Variants in LRP1B observed in about 807,000 individuals in gnomAD.
LRP1B encodes the protein LDL receptor related protein 1B.
Under a neutral mutation model 556.6 loss-of-function variants are expected in LRP1B, and 217 were observed. That is an observed-to-expected ratio of 0.39 (90% CI 0.35 to 0.44). The LOEUF (loss-of-function observed/expected upper bound fraction) is 0.44, where lower values mean the gene tolerates loss of function less well. LRP1B is among the 20% of genes least tolerant of loss of function. The pLI is 1.00. For missense variants in LRP1B, 5,053 were observed against 5,620.8 expected, an observed-to-expected ratio of 0.90 and a Z score of 3.23; for synonymous variants, 2,047 against 1,865.8, an observed-to-expected ratio of 1.10 and a Z score of -2.50.
chr2:141,074,589 C>CTCTCTA lies in LRP1B; in HGVS notation c.1014-12317_1014-12316insTAGAGA, dbSNP rs10643830. Among the ~76,000 whole-genome samples, 853 of 136,460 alleles carry CTCTCTA rather than the reference C, an allele frequency of 6.3e-3. 6 individuals carry two copies. The highest frequency in any genetic ancestry group is 0.013 in the African/African-American group (482 of 36,992). 89.5% of individuals were successfully genotyped at this position (136,460 alleles called of 152,430 possible). ...TCTCTGTCTCTCTCTCTCTCTCTCTCTATATATATATATATATGTTTTTTA... is the reference window on the plus strand; with the variant it reads ...TCTCTGTCTCTCTCTCTCTCTCTCTCTCTCTATATATATATATATATATGTTTTTTA... On this transcript the variant is annotated intron_variant, in intron 7 of 90. Transcript: ENST00000389484.
chr2:140,685,047 G>A (rs1454244938), intron 41 of LRP1B, among the ~76,000 whole-genome samples: 1 of 152,098 alleles, frequency 6.6e-6, no homozygotes, highest in African/African-American at 2.4e-5. Flanking sequence ...TCCATAGCAT[G>A]TATCAGTCAT....
intron 41 of LRP1B, among the ~76,000 whole-genome samples, chr2:140,676,636 A>C (rs1323277110): frequency 2.0e-5 from 3 of 152,198 alleles, no homozygotes; most frequent in Admixed American, 2.0e-4. Flanking sequence ...CAGGAGGAGA[A>C]ATTGAGACTT....
chr2:140,654,259 T>C (rs2105326878), intron 41 of LRP1B, among the ~76,000 whole-genome samples: 1 of 152,258 alleles, frequency 6.6e-6, no homozygotes, highest in Admixed American at 6.5e-5. Context: ...TCTGGATTAC[T>C]GTTATAATCA....
In LRP1B at chr2:141,099,871, T is replaced by C. The variant is rs530175113; in HGVS notation, c.1014-37598A>G. Among the ~76,000 whole-genome samples the C allele has an allele frequency of 2.9e-4, 44 of 152,338 alleles. No individual in the cohort carries two copies. The South Asian group carries it at 4.4e-3, about 15-fold the overall frequency. ...GTATTTTCTATAGTTTTTAATAGTA[T>C]TAGTTGACACTTTTTTGAAACCTGA... On this transcript the variant is annotated intron_variant, in intron 7 of 90. Transcript: ENST00000389484.
intron 32 of LRP1B, among the ~76,000 whole-genome samples, chr2:140,791,765 G>A (rs1024573278): frequency 6.6e-6 from 1 of 152,140 alleles, no homozygotes; most frequent in Non-Finnish European, 1.5e-5. Flanking sequence ...AGATTGCCTT[G>A]TATCAGACCT....
intron 82 of LRP1B, among the ~76,000 whole-genome samples, chr2:140,321,525 A>G (rs981866158): frequency 6.6e-6 from 1 of 152,036 alleles, no homozygotes; most frequent in African/African-American, 2.4e-5. Context: ...GAAGAAGCTA[A>G]AATTTGGTTT....
intron 3 of LRP1B, among the ~76,000 whole-genome samples, chr2:141,458,982 G>A (rs1273183496): frequency 1.3e-5 from 2 of 152,116 alleles, no homozygotes; most frequent in East Asian, 1.9e-4. Flanking sequence ...AGTTGCCAGT[G>A]CACAACTGCT....
At chr2:141,653,416 T>C (rs1019258019) in intron 2 of LRP1B, among the ~76,000 whole-genome samples, 1 of 152,082 alleles carries the variant, frequency 6.6e-6, no homozygotes, top group African/African-American at 2.4e-5. Flanking sequence ...GTACGTGTCA[T>C]AGAAAAGAAA....
At chr2:142,089,985 GTTTAT>G (rs558355405) in intron 1 of LRP1B, among the ~76,000 whole-genome samples, 121 of 152,108 alleles carry the variant, frequency 8.0e-4, no homozygotes, top group Admixed American at 4.8e-3. Flanking sequence ...ATCCAAAAAT[GTTTAT>G]TTTGAGTTGC....
At chr2:140,337,610 C>T (rs1281829757) in intron 77 of LRP1B, among the ~76,000 whole-genome samples, 1 of 151,806 alleles carries the variant, frequency 6.6e-6, no homozygotes, top group Non-Finnish European at 1.5e-5. Context: ...CCATTATAAG[C>T]TGTTTTAAGC....
At chr2:140,985,726 A>G (rs1415798249) in intron 17 of LRP1B, among the ~76,000 whole-genome samples, 1 of 150,882 alleles carries the variant, frequency 6.6e-6, no homozygotes, top group Non-Finnish European at 1.5e-5. Context: ...TGGACAATCT[A>G]TTCTGGTCAA....
intron 43 of LRP1B, among the ~76,000 whole-genome samples, chr2:140,581,538 C>T (rs1201468757): frequency 1.4e-5 from 2 of 147,052 alleles, no homozygotes; most frequent in African/African-American, 4.9e-5. Context: ...AGATAAATGT[C>T]TTCACGTTTT....
In LRP1B at chr2:141,544,328, C is replaced by CTTCTTCTT. The variant is rs1559131019; in HGVS notation, c.206-63803_206-63796dup. ...TCTTCTTCTTCTTCTTCTTCTTCTTCTTCTTCTTCTTCTTCTTCTTCTTCT... is the reference window on the plus strand; with the variant it reads ...TCTTCTTCTTCTTCTTCTTCTTCTTCTTCTTCTTTTCTTCTTCTTCTTCTTCTTCTTCT... On this transcript the variant is annotated intron_variant, in intron 2 of 90. Coordinates refer to ENST00000389484, the MANE Select transcript of LRP1B (RefSeq NM_018557.3). 4.0e-3 allele frequency among the ~76,000 whole-genome samples: 146 copies of CTTCTTCTT among 36,930 alleles called. 4 individuals are homozygous for CTTCTTCTT. The highest frequency in any genetic ancestry group is 0.033 in the East Asian group (45 of 1,344). The allele number at this position is 36,930 out of a possible 152,430, so 24.2% of individuals were successfully genotyped here.
At chr2:140,810,594 A>G (rs916793667) in intron 32 of LRP1B, among the ~76,000 whole-genome samples, 21 of 152,208 alleles carry the variant, frequency 1.4e-4, no homozygotes, top group Non-Finnish European at 1.6e-4. Context: ...GGAGAAGAGT[A>G]AGTTTAAAGC....
At chr2:140,370,403 T>A (rs1343422570) in intron 71 of LRP1B, among the ~76,000 whole-genome samples, 2 of 151,984 alleles carry the variant, frequency 1.3e-5, no homozygotes, top group East Asian at 1.9e-4. Flanking sequence ...ATGGTTTCAT[T>A]GGCTACTTTC....
At chr2:141,134,712 T>C (rs1241441227) in intron 7 of LRP1B, among the ~76,000 whole-genome samples, 1 of 141,710 alleles carries the variant, frequency 7.1e-6, no homozygotes, top group African/African-American at 2.7e-5. Flanking sequence ...GGAGTCATTA[T>C]ATCAATAACT....
rs76638658 is a variant in LRP1B at position 141,136,814 on chromosome 2, G to A, written c.1013+51607C>T. The stretch of plus-strand genomic sequence containing the variant: ...GAATTTGACTTAGATTTTCGGTGTA[G>A]CAGAACTTCTATCACAGGTATATCA... On this transcript the variant is annotated intron_variant, in intron 7 of 90. Coordinates refer to ENST00000389484, the MANE Select transcript of LRP1B (RefSeq NM_018557.3). 4.6e-3 allele frequency among the ~76,000 whole-genome samples: 692 copies of A among 151,918 alleles called. 10 individuals are homozygous for A. Among genetic ancestry groups the A allele is most frequent in the African/African-American group, 0.016 (647 of 41,486 alleles).
intron 66 of LRP1B, among the ~76,000 whole-genome samples, chr2:140,394,288 C>A (rs544274854): frequency 6.6e-6 from 1 of 152,104 alleles, no homozygotes; most frequent in Non-Finnish European, 1.5e-5. Flanking sequence ...CAAGGGAGGA[C>A]GGCCTGACCT....
At chr2:140,606,703 A>G (rs1278435385) in intron 41 of LRP1B, among the ~76,000 whole-genome samples, 1 of 152,094 alleles carries the variant, frequency 6.6e-6, no homozygotes, top group Non-Finnish European at 1.5e-5. Context: ...AAATTATCTC[A>G]AATATATAGT....
Sources: allele counts gnomAD v4.1 joint callset (sites outside exome capture counted in the v4.1 genomes callset), GRCh38; gene constraint gnomAD v4.1.1; transcripts MANE v1.5; gene names NCBI Gene and HGNC (gene_info 2026-07-23, HGNC 2026-07-21).